Variants in TTLL5 observed in about 807,000 individuals in gnomAD.
The protein encoded by TTLL5 is tubulin polyglutamylase TTLL5.
Under a neutral mutation model 168.4 loss-of-function variants are expected in TTLL5, and 132 were observed. The observed-to-expected ratio is 0.78, with a 90% CI of 0.68 to 0.91. TTLL5 has a LOEUF of 0.91. Ranked by LOEUF, TTLL5 falls within the 40% of genes least tolerant of loss-of-function variation. The pLI is 0.00. For synonymous variants in TTLL5, 546 were observed against 558.6 expected (o/e 0.98, Z 0.32); for missense variants, 1,545 against 1,581.5 (o/e 0.98, Z 0.39).
At chr14:75,703,230 G>T (rs1886410296) in intron 7 of TTLL5, among the ~76,000 whole-genome samples, 1 of 152,184 alleles carries the variant, frequency 6.6e-6, no homozygotes, top group South Asian at 2.1e-4. Flanking sequence ...TTGGTGTGAG[G>T]GCCAAATGAA....
At chr14:75,781,557 A>G (rs1287974253) in intron 24 of TTLL5, among the ~76,000 whole-genome samples, 1 of 152,302 alleles carries the variant, frequency 6.6e-6, no homozygotes, top group East Asian at 1.9e-4. Context: ...AGCTCTGGCT[A>G]TTCTGTTTCA....
At chr14:75,783,773 T>C (rs1192617007) in intron 26 of TTLL5, among the ~76,000 whole-genome samples, 3 of 152,188 alleles carry the variant, frequency 2.0e-5, no homozygotes, top group African/African-American at 7.2e-5. Flanking sequence ...CTGACAAGGC[T>C]TCTGTTCACT....
At chr14:75,671,315 T>C (rs1883727161) in intron 3 of TTLL5, among the ~76,000 whole-genome samples, 1 of 152,218 alleles carries the variant, frequency 6.6e-6, no homozygotes, top group African/African-American at 2.4e-5. Context: ...TTGTATTAAG[T>C]TTTGAAATTG....
At chr14:75,927,740 C>T (rs1052274030) in intron 31 of TTLL5, among the ~76,000 whole-genome samples, 4 of 152,156 alleles carry the variant, frequency 2.6e-5, no homozygotes, top group African/African-American at 9.7e-5. Flanking sequence ...TGGCCTCACT[C>T]TCTTTTTCCC....
intron 30 of TTLL5, among the ~76,000 whole-genome samples, chr14:75,893,422 T>C (rs1047627611): frequency 4.6e-5 from 7 of 152,176 alleles, no homozygotes; most frequent in African/African-American, 1.7e-4. Context: ...CCAGCATTCT[T>C]CTCCTCAGCA....
chr14:75,748,794 A>C (rs1889770561), intron 17 of TTLL5, among the ~76,000 whole-genome samples: 1 of 152,128 alleles, frequency 6.6e-6, no homozygotes. Context: ...AATTTTTGTC[A>C]ATCTAATGGG....
chr14:75,816,972 TTA>T (rs1894450811), intron 27 of TTLL5, among the ~76,000 whole-genome samples: 4 of 114,840 alleles, frequency 3.5e-5, no homozygotes, highest in African/African-American at 1.3e-4. Context: ...CTTCCCTGTC[TTA>T]TTTTTTTTTT....
intron 26 of TTLL5, among the ~76,000 whole-genome samples, chr14:75,787,201 T>G (rs1000140485): frequency 6.6e-6 from 1 of 151,932 alleles, no homozygotes; most frequent in East Asian, 1.9e-4. Flanking sequence ...TAAACATAAA[T>G]AGGTTAAACT....
chr14:75,850,204 C>T (rs188144334), intron 28 of TTLL5, among the ~76,000 whole-genome samples: 11 of 150,736 alleles, frequency 7.3e-5, no homozygotes, highest in African/African-American at 9.7e-5. Context: ...GCCGGGAGTT[C>T]GAGACCAGCC....
intron 17 of TTLL5, among the ~76,000 whole-genome samples, chr14:75,746,930 C>G (rs907092642): frequency 3.3e-5 from 5 of 152,056 alleles, no homozygotes; most frequent in African/African-American, 1.2e-4. Context: ...TTCTTGTGCT[C>G]GGGATTCATT....
chr14:75,859,044 A>C (rs1186312219), intron 28 of TTLL5, among the ~76,000 whole-genome samples: 1 of 152,204 alleles, frequency 6.6e-6, no homozygotes, highest in Admixed American at 6.5e-5. Context: ...ATCCTTGTAC[A>C]TGGTAGCTTG....
In TTLL5 at chr14:75,729,840, C is replaced by G. The variant is rs189858927; in HGVS notation, c.1043-2498C>G. 2.2e-3 allele frequency among the ~76,000 whole-genome samples: 335 copies of G among 152,280 alleles called. 7 individuals carry two copies. The Middle Eastern group carries it at 0.061, about 28-fold the overall frequency. The stretch of plus-strand genomic sequence containing the variant: ...TTTTCTCTCTAGGTCATTTTCCCCC[C>G]TCATATTTCCCAGAATATTGGTTCT... On this transcript the variant is annotated intron_variant, in intron 12 of 31. Coordinates refer to ENST00000298832, the MANE Select transcript of TTLL5 (RefSeq NM_015072.5).
chr14:75,929,971 A>G (rs2034220571), intron 31 of TTLL5, among the ~76,000 whole-genome samples: 1 of 152,204 alleles, frequency 6.6e-6, no homozygotes, highest in South Asian at 2.1e-4. Flanking sequence ...AAATAATTTT[A>G]TATATGGCAA....
At chr14:75,906,743 A>T in intron 31 of TTLL5, 2 of 981,814 alleles carry the variant, frequency 2.0e-6, no homozygotes, top group Non-Finnish European at 2.4e-6. Flanking sequence ...ACAGCAAGAG[A>T]CTTAGTGGCT....
At chr14:75,826,447 G>A (rs746680755) in intron 28 of TTLL5, among the ~76,000 whole-genome samples, 27 of 147,632 alleles carry the variant, frequency 1.8e-4, no homozygotes, top group African/African-American at 5.5e-4. Flanking sequence ...TAACTACAAC[G>A]TTAAAAAAAA....
intron 30 of TTLL5, chr14:75,886,798 G>A (rs1392464151): frequency 1.9e-6 from 3 of 1,589,068 alleles, no homozygotes; most frequent in East Asian, 4.5e-5. Context: ...ACATGCATCT[G>A]AACTGTCTCT....
At chr14:75,937,701 T>A (rs1240239019) in intron 31 of TTLL5, among the ~76,000 whole-genome samples, 1 of 152,238 alleles carries the variant, frequency 6.6e-6, no homozygotes, top group Non-Finnish European at 1.5e-5. Context: ...AGAATTCCCT[T>A]TTTTAAGGTT....
chr14:75,763,719 G>A (rs1206176773), intron 18 of TTLL5, among the ~76,000 whole-genome samples: 4 of 152,200 alleles, frequency 2.6e-5, no homozygotes, highest in African/African-American at 9.6e-5. Context: ...TGCCTCTCTT[G>A]TATTTTGCTC....
At chr14:75,804,895 T>C (rs193192006) in intron 27 of TTLL5, among the ~76,000 whole-genome samples, 25 of 152,206 alleles carry the variant, frequency 1.6e-4, no homozygotes, top group African/African-American at 5.1e-4. Context: ...TTTCTAGGTC[T>C]TGAGGCTTGA....
Sources: gnomAD v4.1 joint callset for allele counts (sites outside exome capture counted in the v4.1 genomes callset) on GRCh38, gnomAD v4.1.1 for gene constraint, MANE v1.5 for transcripts, NCBI Gene and HGNC (gene_info 2026-07-23, HGNC 2026-07-21) for gene names.